Variants in NAA16 observed in about 807,000 individuals in gnomAD.
NAA16 encodes NARG1-like protein.
NAA16 carries 97 observed loss-of-function variants against 110.3 expected under a neutral mutation model. That is an observed-to-expected ratio of 0.88 (90% CI 0.75 to 1.04). NAA16 has a LOEUF of 1.04. NAA16 is among the 50% of genes least tolerant of loss of function. The pLI is 0.00. For missense variants in NAA16, 1,017 were observed against 1,005.1 expected, an observed-to-expected ratio of 1.01 and a Z score of -0.16; for synonymous variants, 372 against 330.6, an observed-to-expected ratio of 1.13 and a Z score of -1.36.
At chr13:41,321,115 C>T (rs1443962399) in intron 4 of NAA16, among the ~76,000 whole-genome samples, 1 of 152,022 alleles carries the variant, frequency 6.6e-6, no homozygotes, top group Admixed American at 6.6e-5. Context: ...GCCTGGGCAA[C>T]ATAGGCCAGA....
chr13:41,355,326 A>G, intron 10 of NAA16, 110 bp downstream of exon 10: 1 of 618,516 alleles, frequency 1.6e-6, no homozygotes, highest in South Asian at 2.5e-5. Context: ...TACTTAATAA[A>G]TGGCTTTCAA....
chr13:41,347,194 G>A (rs1166573999), intron 9 of NAA16, among the ~76,000 whole-genome samples: 3 of 143,618 alleles, frequency 2.1e-5, no homozygotes, highest in East Asian at 4.0e-4. Context: ...CCAGCGTGGC[G>A]ACAGAGCGAG....
At chr13:41,350,010 G>A (rs2042786192) in intron 9 of NAA16, among the ~76,000 whole-genome samples, 1 of 149,568 alleles carries the variant, frequency 6.7e-6, no homozygotes, top group Non-Finnish European at 1.5e-5. Context: ...CCAGGCCACC[G>A]TGGTGGCTCA....
chr13:41,375,484 C>T lies in NAA16; in HGVS notation c.2477C>T (p.Ala826Val). 6.2e-7 allele frequency: 1 copy of T among 1,613,868 alleles called. No individual in the cohort carries two copies. The highest frequency in any genetic ancestry group is 8.5e-7 in the Non-Finnish European group (1 of 1,179,812). The part of the protein sequence containing the change: ...CSSQYEEYRM[A>V]CHNLLPFTSA... ...TCCCAATATGAAGAATATAGGATGGCCTGTCATAACCTGCTTCCTTTTACA... is the reference window on the plus strand; with the variant it reads ...TCCCAATATGAAGAATATAGGATGGTCTGTCATAACCTGCTTCCTTTTACA... Residue 826 changes from alanine to valine, a missense_variant, in exon 20 of 20, where the codon GCC (alanine) becomes GTC (valine). Physicochemically the swap from Ala to Val is moderately conservative, Grantham distance 64 (BLOSUM62 0). Coordinates refer to ENST00000379406, the MANE Select transcript of NAA16 (RefSeq NM_024561.5).
At chr13:41,335,099 G>A (rs1201512856) in intron 8 of NAA16, among the ~76,000 whole-genome samples, 1 of 152,196 alleles carries the variant, frequency 6.6e-6, no homozygotes, top group Non-Finnish European at 1.5e-5. Context: ...GACTGAGAAA[G>A]TTGACCAAGG....
At position 41,325,613 on chromosome 13, in the gene NAA16, C is replaced by T. The variant is rs1178409923; in HGVS notation, c.538-85C>T. ...GTTGCTTTCTTGTTTATGTGAATGA[C>T]TCTCCTGAGAAGGCAGTTTAATTAA... On this transcript the variant is annotated intron_variant, in intron 5 of 19. Transcript: ENST00000379406. 1.1e-5 allele frequency: 9 copies of T among 783,662 alleles called. No homozygotes were observed. The East Asian group carries it at 2.5e-4, about 22-fold the overall frequency. 48.5% of individuals were successfully genotyped at this position (783,662 alleles called of 1,614,324 possible).
Position 41,358,878 on chromosome 13 carries a change from A to AT in NAA16, c.1328dup (p.Ile444HisfsTer38). The AT allele has an allele frequency of 6.2e-7, 1 of 1,612,954 alleles. No homozygotes were observed. The highest frequency in any genetic ancestry group is 8.5e-7 in the Non-Finnish European group (1 of 1,179,160). On this transcript the variant is annotated frameshift_variant, in exon 12 of 20. Coordinates refer to ENST00000379406, the MANE Select transcript of NAA16 (RefSeq NM_024561.5). LOFTEE classifies it high-confidence loss of function. Reference sequence around the variant, plus strand: ...CACAGTCTTTGGACACAGCTGATAGATTCATCAATTCCAAATGTGCAAAAT... The same window carrying AT: ...CACAGTCTTTGGACACAGCTGATAGATTTCATCAATTCCAAATGTGCAAAAT...
chr13:41,368,587 C>CA (rs1220052027), intron 14 of NAA16, among the ~76,000 whole-genome samples: 15 of 151,736 alleles, frequency 9.9e-5, no homozygotes, highest in South Asian at 4.2e-4. Flanking sequence ...CTTGCCCAGA[C>CA]AAAAAACAGA....
chr13:41,314,432 G>T (rs1188145001), intron 1 of NAA16, among the ~76,000 whole-genome samples: 1 of 151,960 alleles, frequency 6.6e-6, no homozygotes, highest in Non-Finnish European at 1.5e-5. Flanking sequence ...TTTGGAATAG[G>T]CAGTATATTC....
intron 9 of NAA16, among the ~76,000 whole-genome samples, chr13:41,350,401 C>T (rs1225384265): frequency 6.6e-6 from 1 of 151,308 alleles, no homozygotes; most frequent in African/African-American, 2.4e-5. Flanking sequence ...TCACGCCATT[C>T]TCCTGCTTCA....
At chr13:41,317,565 T>G (rs2041841606) in intron 2 of NAA16, among the ~76,000 whole-genome samples, 1 of 152,220 alleles carries the variant, frequency 6.6e-6, no homozygotes, top group Non-Finnish European at 1.5e-5. Flanking sequence ...CAGACTTGGA[T>G]AATGGTTGAG....
At chr13:41,314,351 G>GT (rs1348910208) in intron 1 of NAA16, among the ~76,000 whole-genome samples, 9 of 151,912 alleles carry the variant, frequency 5.9e-5, no homozygotes, top group East Asian at 3.9e-4. Context: ...CCTTTCTCTT[G>GT]TTTTTTTCTT....
chr13:41,314,902 A>G (rs1260787078), intron 1 of NAA16, among the ~76,000 whole-genome samples: 2 of 152,136 alleles, frequency 1.3e-5, no homozygotes, highest in Non-Finnish European at 2.9e-5. Flanking sequence ...TCAGGAGGCT[A>G]AGGTGGGAAG....
chr13:41,318,403 T>C (rs1311044956), intron 2 of NAA16, among the ~76,000 whole-genome samples: 1 of 152,074 alleles, frequency 6.6e-6, no homozygotes, highest in Non-Finnish European at 1.5e-5. Flanking sequence ...GGTTTTGCTG[T>C]GTTGGCCAGG....
intron 13 of NAA16, 142 bp from the exon 14 acceptor site, chr13:41,367,297 A>G (rs1309407247): frequency 3.6e-6 from 2 of 554,404 alleles, no homozygotes; most frequent in East Asian, 2.9e-5. Context: ...TATCCTTTAT[A>G]GTGTAAAACA....
intron 6 of NAA16, chr13:41,328,136 C>T (rs1283817009): frequency 6.6e-6 from 1 of 152,102 alleles, no homozygotes; most frequent in East Asian, 1.9e-4. Context: ...TCATTTTCCA[C>T]ACCACCTCTT....
intron 9 of NAA16, among the ~76,000 whole-genome samples, chr13:41,342,775 A>G (rs536997292): frequency 2.0e-5 from 3 of 152,338 alleles, no homozygotes; most frequent in African/African-American, 7.2e-5. Flanking sequence ...GCCATTTCAT[A>G]TGGTACACAA....
At chr13:41,357,813 C>T (rs1045770275) in intron 10 of NAA16, among the ~76,000 whole-genome samples, 1 of 152,152 alleles carries the variant, frequency 6.6e-6, no homozygotes, top group Non-Finnish European at 1.5e-5. Flanking sequence ...GTTGTTTCTA[C>T]TTTGTCAGGT....
At chr13:41,371,828 T>G (rs1355329285) in intron 15 of NAA16, among the ~76,000 whole-genome samples, 1 of 152,198 alleles carries the variant, frequency 6.6e-6, no homozygotes, top group Admixed American at 6.5e-5. Context: ...ATAAGCATTT[T>G]AAATTTTATT....
Sources: gnomAD v4.1 joint callset for allele counts (sites outside exome capture counted in the v4.1 genomes callset) on GRCh38, gnomAD v4.1.1 for gene constraint, MANE v1.5 for transcripts, NCBI Gene and HGNC (gene_info 2026-07-23, HGNC 2026-07-21) for gene names.